Variants in SYT9 observed in about 807,000 individuals in gnomAD.
SYT9 encodes the protein synaptotagmin-9.
In SYT9, 22 loss-of-function variants were observed where a neutral mutation model predicts 48.4. The observed-to-expected ratio is 0.45, with a 90% CI of 0.32 to 0.65. The LOEUF is 0.65. SYT9 is among the 30% of genes least tolerant of loss of function. The pLI is 0.03. For missense variants in SYT9, 577 were observed against 622.0 expected, an observed-to-expected ratio of 0.93 and a Z score of 0.77; for synonymous variants, 265 against 245.0, an observed-to-expected ratio of 1.08 and a Z score of -0.76.
At chr11:7,433,799 C>T (rs1044196043) in intron 6 of SYT9, among the ~76,000 whole-genome samples, 1 of 152,164 alleles carries the variant, frequency 6.6e-6, no homozygotes, top group African/African-American at 2.4e-5. Context: ...ACTTTCCAGC[C>T]TCAAGGACTG....
intron 6 of SYT9, chr11:7,437,889 AGAAGGAAG>A (rs1367209396): frequency 1.3e-5 from 2 of 152,258 alleles, no homozygotes; most frequent in African/African-American, 2.4e-5. Flanking sequence ...GCAAAGCCAC[AGAAGGAAG>A]GAAGAGGCAA....
At chr11:7,457,440 A>G (rs1237488013) in intron 6 of SYT9, 2 of 152,206 alleles carry the variant, frequency 1.3e-5, no homozygotes, top group Non-Finnish European at 2.9e-5. Context: ...AGTGTTATTC[A>G]TCATTGTATA....
intron 6 of SYT9, among the ~76,000 whole-genome samples, chr11:7,447,434 C>A (rs1847954736): frequency 6.6e-6 from 1 of 152,208 alleles, no homozygotes; most frequent in Non-Finnish European, 1.5e-5. Flanking sequence ...ACCCTGGCAA[C>A]ACTGCTCTGT....
intron 3 of SYT9, among the ~76,000 whole-genome samples, chr11:7,315,030 CCTT>C (rs1849215326): frequency 2.0e-5 from 3 of 152,242 alleles, no homozygotes; most frequent in Admixed American, 2.0e-4. Context: ...CTGTGGGACA[CCTT>C]CTCTCCACAT....
intron 1 of SYT9, among the ~76,000 whole-genome samples, chr11:7,256,448 A>G (rs1408835319): frequency 6.6e-6 from 1 of 152,232 alleles, no homozygotes; most frequent in East Asian, 1.9e-4. Flanking sequence ...ATTGATATAT[A>G]TGAGTAAACT....
intron 3 of SYT9, among the ~76,000 whole-genome samples, chr11:7,319,757 C>T (rs1454310053): frequency 6.6e-6 from 1 of 152,164 alleles, no homozygotes; most frequent in East Asian, 1.9e-4. Context: ...TATCCTTTAA[C>T]GATGTGACTC....
intron 6 of SYT9, among the ~76,000 whole-genome samples, chr11:7,459,037 A>G (rs537976970): frequency 1.3e-5 from 2 of 152,354 alleles, no homozygotes; most frequent in African/African-American, 4.8e-5. Context: ...AGCAAGGAAC[A>G]TGGTGAGAAA....
At chr11:7,392,663 G>T (rs1846653244) in intron 3 of SYT9, among the ~76,000 whole-genome samples, 5 of 152,078 alleles carry the variant, frequency 3.3e-5, no homozygotes. Flanking sequence ...AGTTTGATAA[G>T]AAGAGCACTG....
At chr11:7,448,948 T>G (rs1385920462) in intron 6 of SYT9, among the ~76,000 whole-genome samples, 2 of 152,078 alleles carry the variant, frequency 1.3e-5, no homozygotes, top group East Asian at 3.9e-4. Context: ...GGGCTTAGTC[T>G]TCACAGAATG....
At chr11:7,440,514 C>T (rs558787507) in intron 6 of SYT9, 17 of 152,312 alleles carry the variant, frequency 1.1e-4, no homozygotes, top group African/African-American at 3.6e-4. Flanking sequence ...TTGAGTAAGG[C>T]GCCATAGTCT....
chr11:7,343,129 C>T (rs1195293041), intron 3 of SYT9, among the ~76,000 whole-genome samples: 1 of 152,194 alleles, frequency 6.6e-6, no homozygotes, highest in Non-Finnish European at 1.5e-5. Flanking sequence ...GGGGCTGCTG[C>T]AAGGGTCTCT....
chr11:7,310,107 T>C lies in SYT9; in HGVS notation c.498-3288T>C, dbSNP rs547661864. Among the ~76,000 whole-genome samples the C allele has an allele frequency of 2.6e-5, 4 of 152,266 alleles. No homozygotes were observed. In the South Asian group the frequency reaches 8.3e-4, roughly 32 times the overall value. On this transcript the variant is annotated intron_variant, in intron 2 of 6. Transcript: ENST00000318881. ...AGATAATAGTATTCATATCTGTGAC[T>C]GGTTTTTTGTTTGCTTGTTTGGTTT...
chr11:7,419,257 A>C (rs1847305913), intron 5 of SYT9, among the ~76,000 whole-genome samples: 1 of 152,226 alleles, frequency 6.6e-6, no homozygotes, highest in Non-Finnish European at 1.5e-5. Flanking sequence ...TGATTATGTG[A>C]GCTCTGCCTT....
intron 3 of SYT9, among the ~76,000 whole-genome samples, chr11:7,347,383 C>T (rs1849818630): frequency 6.6e-6 from 1 of 152,122 alleles, no homozygotes; most frequent in South Asian, 2.1e-4. Context: ...GGGCAACTGC[C>T]ACTGTACCCG....
chr11:7,245,427 T>G (rs946206116), intron 1 of SYT9, among the ~76,000 whole-genome samples: 3 of 152,060 alleles, frequency 2.0e-5, no homozygotes, highest in African/African-American at 4.8e-5. Flanking sequence ...TCTCTCTTTT[T>G]TTTTTGTTTT....
intron 1 of SYT9, among the ~76,000 whole-genome samples, chr11:7,253,860 C>A (rs1847917300): frequency 6.6e-6 from 1 of 152,206 alleles, no homozygotes; most frequent in South Asian, 2.1e-4. Context: ...AGAAGCAAGA[C>A]AATTATTTTG....
chr11:7,340,422 A>T (rs916716975), intron 3 of SYT9, among the ~76,000 whole-genome samples: 2 of 152,226 alleles, frequency 1.3e-5, no homozygotes, highest in African/African-American at 4.8e-5. Flanking sequence ...CATTTGGAGG[A>T]TATAAGACAC....
chr11:7,425,508 G>A (rs746037250), intron 6 of SYT9, among the ~76,000 whole-genome samples: 7 of 152,126 alleles, frequency 4.6e-5, no homozygotes, highest in Non-Finnish European at 1.0e-4. Context: ...CTTGGGTCTT[G>A]TTGAGAACCA....
At chr11:7,358,337 C>A (rs769507478) in intron 3 of SYT9, among the ~76,000 whole-genome samples, 2 of 152,004 alleles carry the variant, frequency 1.3e-5, no homozygotes, top group Middle Eastern at 3.4e-3. Flanking sequence ...GATTTTATAT[C>A]CAGGAAATTT....
Sources: allele counts gnomAD v4.1 joint callset (sites outside exome capture counted in the v4.1 genomes callset), GRCh38; gene constraint gnomAD v4.1.1; transcripts MANE v1.5; gene names NCBI Gene and HGNC (gene_info 2026-07-23, HGNC 2026-07-21).